The following NR5A2 variants were observed in gnomAD, a reference collection of about 807,000 sequenced individuals.
The protein encoded by NR5A2 is nuclear receptor subfamily 5 group A member 2.
Under a neutral mutation model 62.7 loss-of-function variants are expected in NR5A2, and 26 were observed. The observed-to-expected ratio is 0.41, with a 90% CI of 0.30 to 0.58. The LOEUF is 0.58. Ranked by LOEUF, NR5A2 falls within the 20% of genes least tolerant of loss-of-function variation. The probability of loss-of-function intolerance (pLI) is 0.22; values close to 1 mark genes in which losing one functional copy is unlikely to be tolerated. For synonymous variants in NR5A2, 246 were observed against 241.7 expected, an observed-to-expected ratio of 1.02 and a Z score of -0.16; for missense variants, 541 against 669.1, an observed-to-expected ratio of 0.81 and a Z score of 2.11.
chr1:200,143,637 A>T (rs1335816059), intron 7 of NR5A2, among the ~76,000 whole-genome samples: 3 of 128,550 alleles, frequency 2.3e-5, no homozygotes, highest in South Asian at 4.9e-4. Context: ...TATTGTTCAT[A>T]ATTTTTTTTT....
chr1:200,112,869 A>G (rs933818810), intron 6 of NR5A2, among the ~76,000 whole-genome samples: 5 of 152,104 alleles, frequency 3.3e-5, no homozygotes, highest in Admixed American at 6.6e-5. Context: ...TGGGCCCACT[A>G]ATTAATTTGA....
intron 5 of NR5A2, among the ~76,000 whole-genome samples, chr1:200,075,896 CT>C (rs1553268806): frequency 6.0e-5 from 9 of 149,296 alleles, no homozygotes; most frequent in Middle Eastern, 3.4e-3. Context: ...GTTTTCTTTT[CT>C]TTTTTTTTTG....
rs117470936 is a variant in NR5A2, at chr1:200,123,750, A to T, written c.1378+2795A>T. ...GTTTTATTTTTATTTTACTTATTTA[A>T]TTTTTTTTTTTTTTTGCTTTTATTC... On this transcript the variant is annotated intron_variant, in intron 7 of 7. Transcript: ENST00000367362. 5.3e-4 allele frequency among the ~76,000 whole-genome samples: 28 copies of T among 52,728 alleles called. 1 individual carries two copies. The highest frequency in any genetic ancestry group is 6.9e-4 in the East Asian group (2 of 2,898). The allele number at this position is 52,728 out of a possible 152,430, so 34.6% of individuals were successfully genotyped here.
chr1:200,083,798 C>G (rs910756249), intron 5 of NR5A2, among the ~76,000 whole-genome samples: 3 of 151,750 alleles, frequency 2.0e-5, no homozygotes, highest in African/African-American at 7.3e-5. Context: ...GAAACCCCGT[C>G]TCTACTAAAA....
chr1:200,038,170 G>C (rs1289748180), intron 1 of NR5A2, among the ~76,000 whole-genome samples: 1 of 152,206 alleles, frequency 6.6e-6, no homozygotes, highest in Non-Finnish European at 1.5e-5. Flanking sequence ...TTGCGTAACA[G>C]ATGGTTCTTT....
At chr1:200,036,764 A>G (rs1171797961) in intron 1 of NR5A2, among the ~76,000 whole-genome samples, 1 of 152,060 alleles carries the variant, frequency 6.6e-6, no homozygotes, top group African/African-American at 2.4e-5. Context: ...CTGAGCTAGG[A>G]GTTCCCTTGG....
At chr1:200,141,206 C>T (rs535843650) in intron 7 of NR5A2, among the ~76,000 whole-genome samples, 25 of 152,284 alleles carry the variant, frequency 1.6e-4, no homozygotes, top group Admixed American at 1.5e-3. Context: ...TTACTACCAA[C>T]ATAATCATGA....
chr1:200,034,683 A>T (rs1661688680), intron 1 of NR5A2, among the ~76,000 whole-genome samples: 1 of 151,236 alleles, frequency 6.6e-6, no homozygotes. Context: ...GCGCCACGCC[A>T]GATCGAGATA....
At chr1:200,099,542 C>T (rs1665268050) in intron 5 of NR5A2, among the ~76,000 whole-genome samples, 2 of 152,186 alleles carry the variant, frequency 1.3e-5, no homozygotes, top group African/African-American at 2.4e-5. Context: ...TTAATTTATG[C>T]CATAATCACT....
At chr1:200,046,568 A>G (rs1436173551) in intron 4 of NR5A2, among the ~76,000 whole-genome samples, 1 of 152,222 alleles carries the variant, frequency 6.6e-6, no homozygotes. Context: ...AAAAAATCAT[A>G]TAAATCTGCT....
intron 5 of NR5A2, among the ~76,000 whole-genome samples, chr1:200,085,571 A>G (rs1664483046): frequency 1.3e-5 from 2 of 152,196 alleles, no homozygotes; most frequent in South Asian, 2.1e-4. Context: ...AAAAAATTAA[A>G]TATTTGTAGA....
chr1:200,153,578 A>G (rs1354538227), intron 7 of NR5A2, among the ~76,000 whole-genome samples: 1 of 152,172 alleles, frequency 6.6e-6, no homozygotes, highest in African/African-American at 2.4e-5. Context: ...GACAGTAATT[A>G]TGCCATCAAC....
chr1:200,122,336 T>C (rs1220473443), intron 7 of NR5A2, among the ~76,000 whole-genome samples: 1 of 152,230 alleles, frequency 6.6e-6, no homozygotes, highest in Non-Finnish European at 1.5e-5. Flanking sequence ...TTTAAACTAG[T>C]GCATTTGATC....
At chr1:200,093,794 C>G (rs567470113) in intron 5 of NR5A2, among the ~76,000 whole-genome samples, 1 of 152,290 alleles carries the variant, frequency 6.6e-6, no homozygotes, top group Non-Finnish European at 1.5e-5. Flanking sequence ...GAGTCTGAGG[C>G]AAGTATCTAG....
At chr1:200,094,489 TG>T (rs1274846107) in intron 5 of NR5A2, among the ~76,000 whole-genome samples, 5 of 147,742 alleles carry the variant, frequency 3.4e-5, no homozygotes, top group Non-Finnish European at 7.4e-5. Context: ...CCAGCCTGGA[TG>T]GGTATTTCTA....
rs1490859087 is a variant in NR5A2 at position 200,144,227 on chromosome 1, TCTCTCTCACACA to T, written c.1378+23274_1378+23285del. On this transcript the variant is annotated intron_variant, in intron 7 of 7. Coordinates refer to ENST00000367362, the MANE Select transcript of NR5A2 (RefSeq NM_205860.3). ...TCCCAGCACTGTTTCTCTCTCTCTCTCTCTCTCACACACACACACACACACACACACACACAC... is the reference window on the plus strand; with the variant it reads ...TCCCAGCACTGTTTCTCTCTCTCTCTCACACACACACACACACACACACAC... Among the ~76,000 whole-genome samples, 27 of 76,568 alleles carry T rather than the reference TCTCTCTCACACA, an allele frequency of 3.5e-4. No individual in the cohort carries two copies. In the East Asian group the frequency reaches 7.2e-3, roughly 21 times the overall value. 50.2% of individuals were successfully genotyped at this position (76,568 alleles called of 152,430 possible).
In NR5A2 at chr1:200,027,726, C is replaced by T. The variant is rs1661398168; in HGVS notation, c.-122C>T. Reference sequence around the variant, plus strand: ...TTTTCCTTTGCTTTTTCTTAACTTTCACTAAGGGTTACTGTAGTCTGATGT... The same window carrying T: ...TTTTCCTTTGCTTTTTCTTAACTTTTACTAAGGGTTACTGTAGTCTGATGT... On this transcript the variant is annotated 5_prime_UTR_variant, in exon 1 of 8. Coordinates refer to ENST00000367362, the MANE Select transcript of NR5A2 (RefSeq NM_205860.3). 1 of 513,874 alleles carries T rather than the reference C, an allele frequency of 1.9e-6. No individual in the cohort carries two copies. Among genetic ancestry groups the T allele is most frequent in the South Asian group, 4.4e-5 (1 of 22,878 alleles). 31.8% of individuals were successfully genotyped at this position (513,874 alleles called of 1,614,324 possible). A position where few individuals can be genotyped will look rare whatever the true frequency, so the allele number is the denominator to read the frequency against.
At chr1:200,050,019 GGA>G (rs1302517327) in intron 5 of NR5A2, among the ~76,000 whole-genome samples, 1 of 152,138 alleles carries the variant, frequency 6.6e-6, no homozygotes, top group Non-Finnish European at 1.5e-5. Flanking sequence ...TTAAGACTGT[GGA>G]CACATCCAGC....
At chr1:200,126,039 G>A (rs181958004) in intron 7 of NR5A2, among the ~76,000 whole-genome samples, 8 of 152,072 alleles carry the variant, frequency 5.3e-5, no homozygotes, top group Non-Finnish European at 1.0e-4. Context: ...ATAGAGACAG[G>A]GTCTCACTAT....
Sources: gnomAD v4.1 joint callset for allele counts (sites outside exome capture counted in the v4.1 genomes callset) on GRCh38, gnomAD v4.1.1 for gene constraint, MANE v1.5 for transcripts, NCBI Gene and HGNC (gene_info 2026-07-23, HGNC 2026-07-21) for gene names.